Variants in PCDHGA4 observed in about 807,000 individuals in gnomAD.
The protein encoded by PCDHGA4 is protocadherin gamma-A4.
Under a neutral mutation model 54.6 loss-of-function variants are expected in PCDHGA4, and 38 were observed. That is an observed-to-expected ratio of 0.70 (90% CI 0.54 to 0.91). The LOEUF (loss-of-function observed/expected upper bound fraction) is 0.91, where lower values mean the gene tolerates loss of function less well. Ranked by LOEUF, PCDHGA4 falls within the 40% of genes least tolerant of loss-of-function variation. PCDHGA4 has a pLI of 0.00. For missense variants in PCDHGA4, 1,298 were observed against 1,220.9 expected (o/e 1.06, Z -0.94); for synonymous variants, 511 against 512.9 (o/e 1.00, Z 0.05).
chr5:141,384,817 CA>C (rs1780547722), intron 1 of PCDHGA4: 1 of 1,613,416 alleles, frequency 6.2e-7, no homozygotes, highest in Non-Finnish European at 8.5e-7. Flanking sequence ...TGCCCTCAAG[CA>C]GAGCCTCGTG....
At chr5:141,399,927 G>A (rs918358571) in intron 1 of PCDHGA4, 7 of 1,612,226 alleles carry the variant, frequency 4.3e-6, no homozygotes, top group Non-Finnish European at 5.1e-6. Flanking sequence ...ACGCCTGGCT[G>A]TCCTACCACG....
chr5:141,410,847 G>GTAT, intron 1 of PCDHGA4: 2 of 158,246 alleles, frequency 1.3e-5, no homozygotes, highest in Non-Finnish European at 1.0e-5. Context: ...TTTTGTCTTT[G>GTAT]TCTTTTTTTT....
rs759587995 is a variant in PCDHGA4, at chr5:141,491,802, G to T, written c.2515-3005G>T. On this transcript the variant is annotated intron_variant, in intron 1 of 3. Coordinates refer to ENST00000571252, the MANE Select transcript of PCDHGA4 (RefSeq NM_018917.4). The surrounding 1 kb of genome is among the most constrained non-coding windows in gnomAD (Gnocchi z 6.9). ...ACTTGCATCCACTCCTCTCCGGCCGGCTTGGTCGCTGGCTGCGCTCCACCC... is the reference window on the plus strand; with the variant it reads ...ACTTGCATCCACTCCTCTCCGGCCGTCTTGGTCGCTGGCTGCGCTCCACCC... 1 of 1,497,480 alleles carries T rather than the reference G, an allele frequency of 6.7e-7. No individual in the cohort carries two copies. Among genetic ancestry groups the T allele is most frequent in the East Asian group, 2.5e-5 (1 of 40,518 alleles). The allele number at this position is 1,497,480 out of a possible 1,614,324, so 92.8% of individuals were successfully genotyped here. A position where few individuals can be genotyped will look rare whatever the true frequency, so the allele number is the denominator to read the frequency against.
At chr5:141,443,751 A>C (rs1372334547) in intron 1 of PCDHGA4, among the ~76,000 whole-genome samples, 3 of 152,230 alleles carry the variant, frequency 2.0e-5, no homozygotes, top group African/African-American at 7.2e-5. Context: ...GTGAATTGGA[A>C]GCTTACAATA....
intron 1 of PCDHGA4, among the ~76,000 whole-genome samples, chr5:141,456,714 C>T (rs1456452530): frequency 6.6e-6 from 1 of 152,176 alleles, no homozygotes; most frequent in Non-Finnish European, 1.5e-5. Flanking sequence ...CCTGTAATCC[C>T]AGCACTTTGG....
chr5:141,360,700 C>T lies in PCDHGA4; in HGVS notation c.2514+3079C>T, dbSNP rs532971055. The T allele has an allele frequency of 1.2e-5, 19 of 1,613,916 alleles. No individual in the cohort carries two copies. The South Asian group carries it at 2.0e-4, about 17-fold the overall frequency. Reference sequence around the variant, plus strand: ...CGCTGAGAAACAGACTCCAGATGGTCGTAAATATCCTGAGTTGATTCTAAA... The same window carrying T: ...CGCTGAGAAACAGACTCCAGATGGTTGTAAATATCCTGAGTTGATTCTAAA... On this transcript the variant is annotated intron_variant, in intron 1 of 3. Coordinates refer to ENST00000571252, the MANE Select transcript of PCDHGA4 (RefSeq NM_018917.4).
At chr5:141,377,334 G>C (rs1046555445) in intron 1 of PCDHGA4, 3 of 152,142 alleles carry the variant, frequency 2.0e-5, no homozygotes, top group South Asian at 4.1e-4. Flanking sequence ...TAGCTAGCAT[G>C]GTGGTTCACG....
chr5:141,388,026 G>A, intron 1 of PCDHGA4: 1 of 1,446,900 alleles, frequency 6.9e-7, no homozygotes, highest in South Asian at 1.3e-5. Flanking sequence ...CTCCGTAGTG[G>A]GGAACCTCGC....
chr5:141,476,733 G>C lies in PCDHGA4; in HGVS notation c.2515-18074G>C, dbSNP rs373439335. On this transcript the variant is annotated intron_variant, in intron 1 of 3. Transcript: ENST00000571252. This position sits in a 1 kb window ranked among gnomAD's most constrained non-coding sequence, Gnocchi z 7.6. ...TTGGAGCGCGCCCTGGACCGAGAAC[G>C]GGAGCCTAGTCTCCAGTTAGTGCTG... 6.2e-6 allele frequency: 10 copies of C among 1,614,062 alleles called. No individual in the cohort carries two copies. The highest frequency in any genetic ancestry group is 2.2e-5 in the East Asian group (1 of 44,870).
At chr5:141,362,365 A>G in intron 1 of PCDHGA4, 4 of 1,614,014 alleles carry the variant, frequency 2.5e-6, no homozygotes, top group South Asian at 1.1e-5. Context: ...CCCCAATTAC[A>G]GTGAGGGTAC....
chr5:141,371,078 C>G (rs776361776), intron 1 of PCDHGA4: 7 of 1,613,888 alleles, frequency 4.3e-6, no homozygotes, highest in Non-Finnish European at 5.9e-6. Context: ...CCACCCAGAT[C>G]AGGGTAATTG....
At chr5:141,466,654 C>A (rs985749176) in intron 1 of PCDHGA4, among the ~76,000 whole-genome samples, 12 of 152,178 alleles carry the variant, frequency 7.9e-5, no homozygotes, top group African/African-American at 2.9e-4. Flanking sequence ...TTTCACAAAA[C>A]ATCAGTGATT....
In PCDHGA4 at chr5:141,355,229, A is replaced by T. The variant is rs1759766988; in HGVS notation, c.122A>T (p.His41Leu). 1 of 1,611,188 alleles carries T rather than the reference A, an allele frequency of 6.2e-7. No homozygotes were observed. The change falls in exon 1 of 4, where the codon CAC becomes CTC. Residue 41 changes from histidine to leucine, a missense_variant. His to Leu is a moderately conservative substitution (Grantham distance 99). Transcript: ENST00000571252. Reference sequence around the variant, plus strand: ...GCGGCGCCTCCTGCTCGCCCAGACCACACCCGGCTGCTCCAGATCTGCCTT... The same window carrying T: ...GCGGCGCCTCCTGCTCGCCCAGACCTCACCCGGCTGCTCCAGATCTGCCTT... ...VMAAPPARPD[H>L]TRLLQICLLL...
intron 1 of PCDHGA4, chr5:141,361,682 C>A (rs767724401): frequency 6.2e-7 from 1 of 1,613,466 alleles, no homozygotes; most frequent in African/African-American, 1.3e-5. Flanking sequence ...GTGGTGTTCG[C>A]GCAGCGCGCC....
chr5:141,478,849 C>A, intron 1 of PCDHGA4: 1 of 1,375,282 alleles, frequency 7.3e-7, no homozygotes, highest in Non-Finnish European at 9.6e-7. Flanking sequence ...TAAGCTAAAA[C>A]ACAAGATCTC....
intron 1 of PCDHGA4, chr5:141,364,083 A>T: frequency 2.6e-6 from 1 of 382,740 alleles, no homozygotes; most frequent in Non-Finnish European, 4.6e-6. Context: ...GAGAAATAAA[A>T]ATGGAATTTG....
At chr5:141,484,672 A>G (rs1253641119) in intron 1 of PCDHGA4, among the ~76,000 whole-genome samples, 1 of 151,990 alleles carries the variant, frequency 6.6e-6, no homozygotes, top group African/African-American at 2.4e-5. Flanking sequence ...AGTGGGCCGC[A>G]GGTTGCTAGG....
At chr5:141,413,381 G>T in intron 1 of PCDHGA4, 2 of 1,613,946 alleles carry the variant, frequency 1.2e-6, no homozygotes, top group Admixed American at 1.7e-5. Context: ...CGCGGAGTCC[G>T]CATAGTCTCC....
At chr5:141,483,291 A>T (rs767446911) in intron 1 of PCDHGA4, among the ~76,000 whole-genome samples, 4 of 152,126 alleles carry the variant, frequency 2.6e-5, no homozygotes, top group African/African-American at 4.8e-5. Flanking sequence ...TGTCAGTCAT[A>T]AGTGAAGGGA....
Sources: gnomAD v4.1 joint callset for allele counts (sites outside exome capture counted in the v4.1 genomes callset) on GRCh38, gnomAD v4.1.1 for gene constraint, Gnocchi (gnomAD v3.1) non-coding constraint, MANE v1.5 for transcripts, NCBI Gene and HGNC (gene_info 2026-07-23, HGNC 2026-07-21) for gene names.